The following TRIM71 variants were observed in gnomAD, a reference collection of about 807,000 sequenced individuals.
TRIM71 encodes the protein tripartite motif containing 71.
Under a neutral mutation model 61.2 loss-of-function variants are expected in TRIM71, and 9 were observed. The ratio of observed to expected loss-of-function variants is 0.15; its 90% CI spans 0.09 to 0.26. TRIM71 has a LOEUF of 0.26. TRIM71 is among the 10% of genes least tolerant of loss of function. The pLI is 1.00. For missense variants in TRIM71, 998 were observed against 1,238.7 expected (o/e 0.81, Z 2.92); for synonymous variants, 645 against 553.2 (o/e 1.17, Z -2.33).
intron 1 of TRIM71, among the ~76,000 whole-genome samples, chr3:32,839,430 C>G (rs1696377709): frequency 6.6e-6 from 1 of 152,000 alleles, no homozygotes; most frequent in African/African-American, 2.4e-5. Context: ...CAGGGTTTCA[C>G]CATGTTGGTC....
At chr3:32,870,290 T>G (rs1364571489) in intron 1 of TRIM71, among the ~76,000 whole-genome samples, 1 of 152,160 alleles carries the variant, frequency 6.6e-6, no homozygotes, top group African/African-American at 2.4e-5. Flanking sequence ...TTTTAAAAAT[T>G]CATTGTTTAC....
intron 2 of TRIM71, among the ~76,000 whole-genome samples, chr3:32,875,252 A>C (rs1696842101): frequency 6.6e-6 from 1 of 152,210 alleles, no homozygotes; most frequent in African/African-American, 2.4e-5. Flanking sequence ...TGTAATTGAA[A>C]CTGTTGTTTC....
chr3:32,873,118 A>G (rs1306528474), intron 1 of TRIM71, among the ~76,000 whole-genome samples: 1 of 130,692 alleles, frequency 7.7e-6, no homozygotes, highest in East Asian at 2.9e-4. Flanking sequence ...GCCCCAGGGA[A>G]GTGTAGAACA....
At chr3:32,837,289 G>T (rs1696345548) in intron 1 of TRIM71, among the ~76,000 whole-genome samples, 1 of 152,108 alleles carries the variant, frequency 6.6e-6, no homozygotes, top group Non-Finnish European at 1.5e-5. Context: ...ATATGTCTGT[G>T]CCACCACCAC....
intron 1 of TRIM71, among the ~76,000 whole-genome samples, chr3:32,829,358 A>T (rs1696240209): frequency 1.3e-5 from 2 of 151,188 alleles, no homozygotes; most frequent in South Asian, 4.2e-4. Flanking sequence ...CTAATTTTGT[A>T]TTTTCAGTAG....
At chr3:32,821,592 C>T (rs567567237) in intron 1 of TRIM71, among the ~76,000 whole-genome samples, 14 of 152,242 alleles carry the variant, frequency 9.2e-5, no homozygotes, top group Admixed American at 5.9e-4. Flanking sequence ...GACGTACTTG[C>T]TGCTACTCTT....
In TRIM71 at chr3:32,891,013, T is replaced by C. The variant is rs1392807870; in HGVS notation, c.1809T>C (p.Asp603=). The change falls in exon 4 of 4, where the codon GAT becomes GAC. Residue 603 remains aspartate, a synonymous_variant. Coordinates refer to ENST00000383763, the MANE Select transcript of TRIM71 (RefSeq NM_001039111.3). This position sits in a 1 kb window ranked among gnomAD's most constrained non-coding sequence, Gnocchi z 8.2. ...GCTTCGGCAGTGAGGGTGACAGCGA[T>C]GGCAAGCTCTGCCGCCCTTGGGGTG... ...GLSFGSEGDS[D]GKLCRPWGVS... 5 of 1,614,038 alleles carry C rather than the reference T, an allele frequency of 3.1e-6. No homozygotes were observed. The highest frequency in any genetic ancestry group is 4.2e-6 in the Non-Finnish European group (5 of 1,180,034).
intron 1 of TRIM71, among the ~76,000 whole-genome samples, chr3:32,834,743 G>A (rs996446068): frequency 2.0e-5 from 3 of 152,106 alleles, no homozygotes; most frequent in Non-Finnish European, 2.9e-5. Context: ...CCCGGATACC[G>A]AGGCAGGAGA....
intron 1 of TRIM71, among the ~76,000 whole-genome samples, chr3:32,869,669 C>T (rs796700668): frequency 6.6e-6 from 1 of 152,254 alleles, no homozygotes; most frequent in Non-Finnish European, 1.5e-5. Context: ...CTCCCTCCCC[C>T]ATTCCTCCCG....
In TRIM71 at chr3:32,891,864, C is replaced by G; in HGVS notation, c.*53C>G. 3.2e-6 allele frequency: 5 copies of G among 1,575,726 alleles called. No individual in the cohort carries two copies. Among genetic ancestry groups the G allele is most frequent in the Non-Finnish European group, 4.3e-6 (5 of 1,161,668 alleles). On this transcript the variant is annotated 3_prime_UTR_variant, in exon 4 of 4. Transcript: ENST00000383763. This position sits in a 1 kb window ranked among gnomAD's most constrained non-coding sequence, Gnocchi z 8.2. ...GGTGTGTGTGCGTGTCTCTCTCTCT[C>G]TCTCTCTCTTTCTCTTTCTCTCTCT...
rs1487607422 is a variant in TRIM71, at chr3:32,891,964, G to C, written c.*153G>C. On this transcript the variant is annotated 3_prime_UTR_variant, in exon 4 of 4. Transcript: ENST00000383763. The surrounding 1 kb of genome is among the most constrained non-coding windows in gnomAD (Gnocchi z 8.2). The stretch of plus-strand genomic sequence containing the variant: ...TTTTTTTTTAAAGAGAACAAGAAAA[G>C]TACAACATTGCTTAAGTCCTACCTC... The C allele has an allele frequency of 1.4e-5, 16 of 1,105,126 alleles. No homozygotes were observed. Among genetic ancestry groups the C allele is most frequent in the Non-Finnish European group, 2.0e-5 (16 of 809,430 alleles). 68.5% of individuals were successfully genotyped at this position (1,105,126 alleles called of 1,614,324 possible). A position where few individuals can be genotyped will look rare whatever the true frequency, so the allele number is the denominator to read the frequency against.
rs375639056 is a variant in TRIM71 at position 32,890,902 on chromosome 3, G to C, written c.1698G>C (p.Leu566=). The change falls in exon 4 of 4, where the codon CTG becomes CTC. Residue 566 remains leucine (L), a synonymous_variant. Transcript: ENST00000383763. The surrounding 1 kb of genome is among the most constrained non-coding windows in gnomAD (Gnocchi z 6.2). ...GTGAGCACCTGGTATCTGTGACACTGTGCAACCAGCACATTGAGAACAGCC... is the reference window on the plus strand; with the variant it reads ...GTGAGCACCTGGTATCTGTGACACTCTGCAACCAGCACATTGAGAACAGCC... ...LEGEHLVSVT[L]CNQHIENSPF... The C allele has an allele frequency of 1.8e-4, 295 of 1,614,232 alleles. 1 individual carries two copies. In the African/African-American group the frequency reaches 3.5e-3, roughly 19 times the overall value.
Position 32,858,329 on chromosome 3 carries a change from TGACGGTC to T in TRIM71, c.853-15486_853-15480del, listed in dbSNP as rs555424268. Among the ~76,000 whole-genome samples, 40 of 152,350 alleles carry T rather than the reference TGACGGTC, an allele frequency of 2.6e-4. 1 individual carries two copies. In the South Asian group the frequency reaches 8.1e-3, roughly 31 times the overall value. ...ACATCGTGAGCAAACCTGCCCAGAC[TGACGGTC>T]GAACAGCTCTGGGAATAGAAGCTTC... On this transcript the variant is annotated intron_variant, in intron 1 of 3. Transcript: ENST00000383763.
intron 1 of TRIM71, among the ~76,000 whole-genome samples, chr3:32,853,946 A>G (rs1031390119): frequency 2.0e-5 from 3 of 152,002 alleles, no homozygotes; most frequent in African/African-American, 7.2e-5. Flanking sequence ...GGGGGTTGCA[A>G]TGAGCTGAGA....
intron 1 of TRIM71, among the ~76,000 whole-genome samples, chr3:32,863,023 G>A (rs73044185): frequency 0.017 from 2,572 of 152,134 alleles, 63 homozygotes; most frequent in East Asian, 0.12. Flanking sequence ...AGTAAATTAT[G>A]TGGGGCCATT....
At chr3:32,874,868 T>C (rs1273258175) in intron 2 of TRIM71, among the ~76,000 whole-genome samples, 1 of 151,988 alleles carries the variant, frequency 6.6e-6, no homozygotes, top group Non-Finnish European at 1.5e-5. Context: ...TCACCCAGGC[T>C]GGAGTGTAGT....
chr3:32,840,803 C>T (rs914853675), intron 1 of TRIM71, among the ~76,000 whole-genome samples: 6 of 152,166 alleles, frequency 3.9e-5, no homozygotes, highest in Admixed American at 3.9e-4. Flanking sequence ...TGCGACTCTG[C>T]TGCTGGGGAG....
chr3:32,849,382 A>G (rs979289172), intron 1 of TRIM71, among the ~76,000 whole-genome samples: 1 of 150,530 alleles, frequency 6.6e-6, no homozygotes, highest in Non-Finnish European at 1.5e-5. Context: ...CTTTTGAGAC[A>G]GAGCCTTGCT....
chr3:32,824,477 AAG>A (rs1696179222), intron 1 of TRIM71, among the ~76,000 whole-genome samples: 1 of 150,374 alleles, frequency 6.7e-6, no homozygotes, highest in Non-Finnish European at 1.5e-5. Context: ...GATTACAGGC[AAG>A]AGCCACCGCG....
Sources: gnomAD v4.1 joint callset for allele counts (sites outside exome capture counted in the v4.1 genomes callset) on GRCh38, gnomAD v4.1.1 for gene constraint, Gnocchi (gnomAD v3.1) non-coding constraint, MANE v1.5 for transcripts, NCBI Gene and HGNC (gene_info 2026-07-23, HGNC 2026-07-21) for gene names.